The following CLCN3 variants were observed in gnomAD, a reference collection of about 807,000 sequenced individuals.
CLCN3 encodes Cl-/H+ antiporter 3, also known as H(+)/Cl(-) exchange transporter 3.
Under a neutral mutation model 83.4 loss-of-function variants are expected in CLCN3, and 16 were observed. The ratio of observed to expected loss-of-function variants is 0.19; its 90% CI spans 0.13 to 0.29. The LOEUF is 0.29. Ranked by LOEUF, CLCN3 falls within the 10% of genes least tolerant of loss-of-function variation. The pLI, the probability that CLCN3 is intolerant of heterozygous loss-of-function variation, is 1.00. For synonymous variants in CLCN3, 322 were observed against 346.2 expected, an observed-to-expected ratio of 0.93 and a Z score of 0.78; for missense variants, 544 against 1,006.0, an observed-to-expected ratio of 0.54 and a Z score of 6.21.
In CLCN3 at chr4:169,723,019, TG is replaced by T. The variant is rs1389295224; in HGVS notation, c.*3023del. 1 of 152,210 alleles carries T rather than the reference TG, an allele frequency of 6.6e-6. No homozygotes were observed. Among genetic ancestry groups the T allele is most frequent in the East Asian group, 1.9e-4 (1 of 5,208 alleles). 9.4% of individuals were successfully genotyped at this position (152,210 alleles called of 1,614,324 possible). On this transcript the variant is annotated 3_prime_UTR_variant, in exon 13 of 13. Coordinates refer to ENST00000513761, the MANE Select transcript of CLCN3 (RefSeq NM_001829.4). ...GCATCTCTTCTTCTTAATAATTAATTGTTTTCAGTTTTGGTTCACGAAGAAT... is the reference window on the plus strand; with the variant it reads ...GCATCTCTTCTTCTTAATAATTAATTTTTTCAGTTTTGGTTCACGAAGAAT...
At chr4:169,650,936 G>A (rs1472764343) in intron 2 of CLCN3, among the ~76,000 whole-genome samples, 1 of 152,078 alleles carries the variant, frequency 6.6e-6, no homozygotes, top group African/African-American at 2.4e-5. Flanking sequence ...ACTCATACTA[G>A]GTTTATGAAA....
chr4:169,664,077 C>G (rs1289143035), intron 2 of CLCN3, among the ~76,000 whole-genome samples: 1 of 152,126 alleles, frequency 6.6e-6, no homozygotes, highest in African/African-American at 2.4e-5. Flanking sequence ...AATGCGATAA[C>G]AGGAGGAAAT....
intron 6 of CLCN3, 51 bp downstream of exon 6, chr4:169,690,703 T>C: frequency 6.5e-7 from 1 of 1,544,822 alleles, no homozygotes; most frequent in Non-Finnish European, 8.8e-7. Flanking sequence ...ATGCTTATCT[T>C]TTTGACCTTA....
At chr4:169,717,892 C>CA (rs1733486703) in intron 12 of CLCN3, 2 of 1,480,024 alleles carry the variant, frequency 1.4e-6, no homozygotes, top group African/African-American at 1.4e-5. Context: ...CAGATCTCCT[C>CA]ATTAGACACC....
intron 2 of CLCN3, among the ~76,000 whole-genome samples, chr4:169,636,568 T>C (rs141200235): frequency 1.3e-5 from 2 of 152,316 alleles, no homozygotes; most frequent in Non-Finnish European, 2.9e-5. Context: ...GTATGTGGAA[T>C]TCATACTGTG....
intron 12 of CLCN3, among the ~76,000 whole-genome samples, chr4:169,714,708 CTA>C (rs1276425850): frequency 6.6e-6 from 1 of 151,952 alleles, no homozygotes; most frequent in Non-Finnish European, 1.5e-5. Context: ...AGAATTAGAT[CTA>C]TGTTTAGTGT....
intron 2 of CLCN3, among the ~76,000 whole-genome samples, chr4:169,668,779 A>G (rs1307901039): frequency 6.7e-6 from 1 of 150,302 alleles, no homozygotes; most frequent in African/African-American, 2.4e-5. Flanking sequence ...CTTTCAGGTC[A>G]TACTTTCTTA....
chr4:169,721,676 G>A lies in CLCN3; in HGVS notation c.*1679G>A. 6.6e-6 allele frequency: 1 copy of A among 152,146 alleles called. No individual in the cohort carries two copies. The highest frequency in any genetic ancestry group is 1.5e-5 in the Non-Finnish European group (1 of 68,030). 9.4% of individuals were successfully genotyped at this position (152,146 alleles called of 1,614,324 possible). A position where few individuals can be genotyped will look rare whatever the true frequency, so the allele number is the denominator to read the frequency against. ...GTGATGGTTTGAACATTTTTTGCAGGATGAGTGAAAATGCACTGGATTATA... is the reference window on the plus strand; with the variant it reads ...GTGATGGTTTGAACATTTTTTGCAGAATGAGTGAAAATGCACTGGATTATA... On this transcript the variant is annotated 3_prime_UTR_variant, in exon 13 of 13. Transcript: ENST00000513761.
At chr4:169,629,906 C>T (rs551047655) in intron 1 of CLCN3, among the ~76,000 whole-genome samples, 23 of 152,012 alleles carry the variant, frequency 1.5e-4, no homozygotes, top group African/African-American at 3.4e-4. Flanking sequence ...TGACTTTGGG[C>T]GAGTTATTTA....
intron 8 of CLCN3, 97 bp downstream of exon 8, chr4:169,695,789 A>G: frequency 1.4e-6 from 1 of 725,470 alleles, no homozygotes; most frequent in Non-Finnish European, 2.2e-6. Context: ...ATAGGTAGAG[A>G]CTTTGTTTTC....
intron 2 of CLCN3, among the ~76,000 whole-genome samples, chr4:169,679,627 G>C (rs948855521): frequency 3.3e-5 from 5 of 152,334 alleles, no homozygotes; most frequent in African/African-American, 9.6e-5. Flanking sequence ...GCGAGACTCC[G>C]TCTGCAATCC....
chr4:169,722,253 C>T lies in CLCN3; in HGVS notation c.*2256C>T, dbSNP rs1015915078. ...TCCTGAAGACATAAGATCATGAAGC[C>T]ATATAAGAATGAGGATTGAAAGTTG... On this transcript the variant is annotated 3_prime_UTR_variant, in exon 13 of 13. Transcript: ENST00000513761. 1.3e-5 allele frequency: 2 copies of T among 152,146 alleles called. No individual in the cohort carries two copies. The highest frequency in any genetic ancestry group is 2.9e-5 in the Non-Finnish European group (2 of 68,038). The allele number at this position is 152,146 out of a possible 1,614,324, so 9.4% of individuals were successfully genotyped here. A position where few individuals can be genotyped will look rare whatever the true frequency, so the allele number is the denominator to read the frequency against.
chr4:169,663,548 C>T, intron 2 of CLCN3: 1 of 364,644 alleles, frequency 2.7e-6, no homozygotes, highest in South Asian at 2.0e-5. Context: ...CTATGTTGTC[C>T]AGGCTGGTCT....
intron 3 of CLCN3, among the ~76,000 whole-genome samples, chr4:169,682,928 A>G (rs1273442459): frequency 3.3e-5 from 5 of 152,150 alleles, no homozygotes; most frequent in Admixed American, 6.5e-5. Flanking sequence ...AAACAGTTTT[A>G]TCTTGCAGAC....
chr4:169,621,864 A>G (rs1316519011), intron 1 of CLCN3, among the ~76,000 whole-genome samples: 1 of 152,166 alleles, frequency 6.6e-6, no homozygotes, highest in Non-Finnish European at 1.5e-5. Context: ...CTACAAAATA[A>G]TATTTGTTCA....
intron 2 of CLCN3, among the ~76,000 whole-genome samples, chr4:169,666,102 T>C (rs542175748): frequency 2.0e-5 from 3 of 152,230 alleles, no homozygotes; most frequent in Middle Eastern, 3.4e-3. Flanking sequence ...GTTCAGTGTT[T>C]GTCAAACTTC....
intron 7 of CLCN3, among the ~76,000 whole-genome samples, chr4:169,693,058 C>A (rs1262331960): frequency 2.0e-5 from 3 of 152,098 alleles, no homozygotes; most frequent in Non-Finnish European, 2.9e-5. Flanking sequence ...CTAGATGGTA[C>A]AGAGATCTTT....
chr4:169,672,076 G>A (rs1010652026), intron 2 of CLCN3, among the ~76,000 whole-genome samples: 1 of 152,004 alleles, frequency 6.6e-6, no homozygotes, highest in Non-Finnish European at 1.5e-5. Context: ...GCCGGGCGTG[G>A]TGGTGGGCGC....
At chr4:169,626,244 G>A (rs1219496770) in intron 1 of CLCN3, among the ~76,000 whole-genome samples, 1 of 152,348 alleles carries the variant, frequency 6.6e-6, no homozygotes, top group South Asian at 2.1e-4. Context: ...GATGCATAGG[G>A]GGAGATAGGG....
Sources: gnomAD v4.1 joint callset for allele counts (sites outside exome capture counted in the v4.1 genomes callset) on GRCh38, gnomAD v4.1.1 for gene constraint, MANE v1.5 for transcripts, NCBI Gene and HGNC (gene_info 2026-07-23, HGNC 2026-07-21) for gene names.